Variants in FAF1 observed in about 807,000 individuals in gnomAD.
The protein encoded by FAF1 is FAS-associated factor 1.
In FAF1, 25 loss-of-function variants were observed where a neutral mutation model predicts 92.5. The ratio of observed to expected loss-of-function variants is 0.27; its 90% CI spans 0.20 to 0.38. FAF1 has a LOEUF of 0.38. Ranked by LOEUF, FAF1 falls within the 10% of genes least tolerant of loss-of-function variation. FAF1 has a pLI of 1.00. For missense variants in FAF1, 636 were observed against 793.3 expected, an observed-to-expected ratio of 0.80 and a Z score of 2.38; for synonymous variants, 234 against 273.2, an observed-to-expected ratio of 0.86 and a Z score of 1.42.
At chr1:50,525,684 G>T (rs1337548987) in intron 15 of FAF1, among the ~76,000 whole-genome samples, 1 of 152,040 alleles carries the variant, frequency 6.6e-6, no homozygotes, top group Non-Finnish European at 1.5e-5. Flanking sequence ...TTGGCTGTGG[G>T]TTTTTCATAT....
chr1:50,919,908 T>G (rs76255042), intron 1 of FAF1, among the ~76,000 whole-genome samples: 21 of 152,234 alleles, frequency 1.4e-4, no homozygotes, highest in Non-Finnish European at 2.4e-4. Context: ...ATAGCAAAGA[T>G]GAGATCTGCT....
intron 1 of FAF1, among the ~76,000 whole-genome samples, chr1:50,892,229 T>C (rs1045515858): frequency 4.6e-5 from 7 of 152,022 alleles, no homozygotes; most frequent in Non-Finnish European, 1.0e-4. Context: ...AGGGTGGGAG[T>C]GACCCAATTT....
At chr1:50,932,163 C>T (rs1313657995) in intron 1 of FAF1, among the ~76,000 whole-genome samples, 1 of 152,078 alleles carries the variant, frequency 6.6e-6, no homozygotes, top group Admixed American at 6.5e-5. Flanking sequence ...CATGGCCCCT[C>T]CAAATCTCAT....
chr1:50,468,680 T>C (rs1358329520), intron 18 of FAF1, among the ~76,000 whole-genome samples: 2 of 152,076 alleles, frequency 1.3e-5, no homozygotes, highest in Non-Finnish European at 2.9e-5. Context: ...AGGCTGGTGT[T>C]GAACTCCTGA....
chr1:50,525,505 T>C (rs915305289), intron 15 of FAF1, among the ~76,000 whole-genome samples: 8 of 152,190 alleles, frequency 5.3e-5, no homozygotes, highest in African/African-American at 1.7e-4. Flanking sequence ...CATCTGCAAA[T>C]AGAGATAATT....
At chr1:50,908,111 G>A (rs976262836) in intron 1 of FAF1, among the ~76,000 whole-genome samples, 1 of 152,122 alleles carries the variant, frequency 6.6e-6, no homozygotes, top group Non-Finnish European at 1.5e-5. Context: ...CTTTATTTCT[G>A]CCTTCATTTC....
At chr1:50,895,194 T>C (rs1644749299) in intron 1 of FAF1, among the ~76,000 whole-genome samples, 2 of 151,972 alleles carry the variant, frequency 1.3e-5, no homozygotes, top group Admixed American at 1.3e-4. Flanking sequence ...TTACAACCTA[T>C]ACCACAGAAA....
chr1:50,595,906 T>C (rs1281618137), intron 9 of FAF1, among the ~76,000 whole-genome samples: 3 of 152,128 alleles, frequency 2.0e-5, no homozygotes, highest in Non-Finnish European at 2.9e-5. Flanking sequence ...CCATCTGAAT[T>C]CCGTCTGTTG....
intron 7 of FAF1, among the ~76,000 whole-genome samples, chr1:50,677,636 T>A (rs748766384): frequency 6.6e-6 from 1 of 152,132 alleles, no homozygotes; most frequent in Non-Finnish European, 1.5e-5. Flanking sequence ...GGCTGACGCC[T>A]GTAATCCCAG....
intron 7 of FAF1, among the ~76,000 whole-genome samples, chr1:50,656,938 T>C (rs1655140654): frequency 1.3e-5 from 2 of 152,058 alleles, no homozygotes; most frequent in South Asian, 4.2e-4. Context: ...TTACTGGGCG[T>C]GGTGGTTCAC....
chr1:50,871,909 C>T (rs1352945174), intron 1 of FAF1, among the ~76,000 whole-genome samples: 2 of 151,676 alleles, frequency 1.3e-5, no homozygotes, highest in African/African-American at 2.4e-5. Context: ...ACCAAAAATA[C>T]AAAAAATTAG....
At chr1:50,929,553 T>G (rs1256375267) in intron 1 of FAF1, among the ~76,000 whole-genome samples, 1 of 152,232 alleles carries the variant, frequency 6.6e-6, no homozygotes, top group Admixed American at 6.5e-5. Context: ...TGTAAGAGCT[T>G]ACATTATCTT....
At chr1:50,956,567 T>C (rs938384373) in intron 1 of FAF1, among the ~76,000 whole-genome samples, 3 of 152,234 alleles carry the variant, frequency 2.0e-5, no homozygotes, top group African/African-American at 7.2e-5. Context: ...ATATTCACTT[T>C]TGGTGAGGAA....
At chr1:50,865,892 C>T (rs986450674) in intron 1 of FAF1, among the ~76,000 whole-genome samples, 4 of 146,838 alleles carry the variant, frequency 2.7e-5, no homozygotes, top group South Asian at 2.3e-4. Flanking sequence ...AGACCATTAC[C>T]GAGATTAACC....
chr1:50,867,803 A>G (rs1183721343), intron 1 of FAF1, among the ~76,000 whole-genome samples: 1 of 152,170 alleles, frequency 6.6e-6, no homozygotes, highest in Non-Finnish European at 1.5e-5. Context: ...TAGATCCATC[A>G]TTTTATCCAG....
Position 50,490,465 on chromosome 1 carries a change from A to T in FAF1, c.1653+123T>A, listed in dbSNP as rs543368009. 503 of 606,346 alleles carry T rather than the reference A, an allele frequency of 8.3e-4. 28 individuals carry two copies. In the African/African-American group the frequency reaches 9.8e-3, roughly 12 times the overall value. The allele number at this position is 606,346 out of a possible 1,614,324, so 37.6% of individuals were successfully genotyped here. A position where few individuals can be genotyped will look rare whatever the true frequency, so the allele number is the denominator to read the frequency against. On this transcript the variant is annotated intron_variant, in intron 17 of 18. Transcript: ENST00000396153. ...GAAGGAAGGAAGGAAGGAAGGAAAAAGAAAGAAGGAAGGAAGGAAGGAAGG... is the reference window on the plus strand; with the variant it reads ...GAAGGAAGGAAGGAAGGAAGGAAAATGAAAGAAGGAAGGAAGGAAGGAAGG...
chr1:50,628,509 T>C (rs536377547), intron 8 of FAF1, among the ~76,000 whole-genome samples: 2 of 152,208 alleles, frequency 1.3e-5, no homozygotes, highest in African/African-American at 4.8e-5. Flanking sequence ...ATATTTAATA[T>C]CATTTCTTAA....
At chr1:50,452,328 C>T (rs898586755) in intron 18 of FAF1, 3 of 382,128 alleles carry the variant, frequency 7.9e-6, no homozygotes, top group African/African-American at 6.4e-5. Flanking sequence ...GCAAGATAAA[C>T]CTAATGCAGA....
At chr1:50,638,380 C>G (rs1654158405) in intron 8 of FAF1, among the ~76,000 whole-genome samples, 1 of 152,100 alleles carries the variant, frequency 6.6e-6, no homozygotes, top group African/African-American at 2.4e-5. Context: ...TACATCATTT[C>G]CAATCTTAGA....
Sources: gnomAD v4.1 joint callset for allele counts (sites outside exome capture counted in the v4.1 genomes callset) on GRCh38, gnomAD v4.1.1 for gene constraint, MANE v1.5 for transcripts, NCBI Gene and HGNC (gene_info 2026-07-23, HGNC 2026-07-21) for gene names.